CCDC137: variants seen among roughly 807,000 people sequenced by gnomAD.
CCDC137 encodes coiled-coil domain containing 137, also known as coiled-coil domain-containing protein 137.
In CCDC137, 24 loss-of-function variants were observed where a neutral mutation model predicts 30.4. The observed-to-expected ratio is 0.79, with a 90% CI of 0.57 to 1.11. The LOEUF is 1.11. Ranked by LOEUF, CCDC137 falls within the 50% of genes least tolerant of loss-of-function variation. The pLI, the probability that CCDC137 is intolerant of heterozygous loss-of-function variation, is 0.00. For synonymous variants in CCDC137, 182 were observed against 155.7 expected, an observed-to-expected ratio of 1.17 and a Z score of -1.26; for missense variants, 417 against 380.4, an observed-to-expected ratio of 1.10 and a Z score of -0.80.
chr17:81,667,692 C>T (rs1466211051), intron 1 of CCDC137, 37 bp from the exon 2 acceptor site: 6 of 1,609,556 alleles, frequency 3.7e-6, no homozygotes, highest in Non-Finnish European at 8.5e-7. Context: ...TTGTGCTTTA[C>T]TTGGGACGGG....
chr17:81,667,655 A>G (rs918761565), intron 1 of CCDC137, 74 bp from the exon 2 acceptor site: 2 of 1,571,382 alleles, frequency 1.3e-6, no homozygotes, highest in African/African-American at 2.7e-5. Context: ...TGCCAGACCC[A>G]ACTATTGTTT....
rs1685012737 is a variant in CCDC137, at chr17:81,671,486, C to T, written c.498-258C>T. Reference sequence around the variant, plus strand: ...TTGCCCACGTGTCTGCACACATTGTCAGATGTTCCCTGGCAGGTAGCTGTC... The same window carrying T: ...TTGCCCACGTGTCTGCACACATTGTTAGATGTTCCCTGGCAGGTAGCTGTC... On this transcript the variant is annotated intron_variant, in intron 3 of 5. Coordinates refer to ENST00000329214, the MANE Select transcript of CCDC137 (RefSeq NM_199287.3). 9.8e-6 allele frequency: 5 copies of T among 510,562 alleles called. No individual in the cohort carries two copies. In the South Asian group the frequency reaches 1.1e-4, roughly 11 times the overall value. The allele number at this position is 510,562 out of a possible 1,614,324, so 31.6% of individuals were successfully genotyped here. A position where few individuals can be genotyped will look rare whatever the true frequency, so the allele number is the denominator to read the frequency against.
chr17:81,667,990 G>A (rs2036667260), intron 2 of CCDC137, 128 bp downstream of exon 2: 1 of 1,201,532 alleles, frequency 8.3e-7, no homozygotes, highest in Non-Finnish European at 1.1e-6. Flanking sequence ...AGGTGGGGGA[G>A]CGTGGCCAAA....
chr17:81,671,871 G>C (rs879088050), intron 4 of CCDC137, 45 bp downstream of exon 4: 1 of 1,604,798 alleles, frequency 6.2e-7, no homozygotes, highest in East Asian at 2.2e-5. Flanking sequence ...TCCGGGTGGG[G>C]CCTGGGCGCA....
intron 2 of CCDC137, among the ~76,000 whole-genome samples, chr17:81,669,530 C>T (rs1286886808): frequency 2.0e-5 from 3 of 152,174 alleles, no homozygotes; most frequent in Admixed American, 1.3e-4. Context: ...CGGGGTCCTG[C>T]GCTTGCGTTC....
chr17:81,667,174 C>T (rs1261945169), intron 1 of CCDC137, among the ~76,000 whole-genome samples: 1 of 152,170 alleles, frequency 6.6e-6, no homozygotes, highest in Non-Finnish European at 1.5e-5. Flanking sequence ...CCTGGGCTTT[C>T]GGAGTGCCTT....
At position 81,670,240 on chromosome 17, in the gene CCDC137, G is replaced by C. The variant is rs1390860502; in HGVS notation, c.284G>C (p.Arg95Thr). The C allele has an allele frequency of 1.2e-6, 2 of 1,613,810 alleles. No individual in the cohort carries two copies. Among genetic ancestry groups the C allele is most frequent in the African/African-American group, 2.7e-5 (2 of 74,924 alleles). The part of the protein sequence containing the change: ...KRKKAAQVTF[R>T]KTLEKEAKGE... ...TTGTCCTCAGCCCAGGTGACCTTCA[G>C]AAAGACATTGGAGAAGGAAGCAAAG... The change falls in exon 3 of 6, where the codon AGA becomes ACA. Residue 95 changes from arginine to threonine, a missense_variant. Physicochemically the swap from Arg to Thr is moderately conservative, Grantham distance 71 (BLOSUM62 -1). Transcript: ENST00000329214.
chr17:81,670,973 A>C (rs2036713706), intron 3 of CCDC137, among the ~76,000 whole-genome samples: 1 of 149,416 alleles, frequency 6.7e-6, no homozygotes, highest in Admixed American at 6.7e-5. Context: ...ATAAAATACA[A>C]AAAAAAAAAT....
intron 1 of CCDC137, 34 bp downstream of exon 1, chr17:81,666,934 C>A: frequency 3.2e-6 from 4 of 1,247,476 alleles, no homozygotes; most frequent in Non-Finnish European, 4.0e-6. Context: ...CGCCACACTT[C>A]CCCAGAGAAG....
chr17:81,672,233 G>A (rs554602354), intron 5 of CCDC137, 78 bp downstream of exon 5: 37 of 1,434,076 alleles, frequency 2.6e-5, no homozygotes, highest in Admixed American at 2.4e-4. Context: ...GGCTGGACAC[G>A]GTGGGTCACA....
rs2036700516 is a variant in CCDC137 at position 81,670,230 on chromosome 17, G to T, written c.274G>T (p.Val92Leu). The change falls in exon 3 of 6, where the codon GTG becomes TTG. Residue 92 changes from valine (V) to leucine (L), a missense_variant. Val to Leu is a conservative substitution (Grantham distance 32). Transcript: ENST00000329214. ...AGGCCTCCCTTTGTCCTCAGCCCAG[G>T]TGACCTTCAGAAAGACATTGGAGAA... is the stretch of plus-strand genomic sequence containing the variant. ...SNKKRKKAAQ[V>L]TFRKTLEKEA... 1 of 1,613,706 alleles carries T rather than the reference G, an allele frequency of 6.2e-7. No individual in the cohort carries two copies.
At chr17:81,666,980 G>A in intron 1 of CCDC137, 80 bp downstream of exon 1, 1 of 1,230,080 alleles carries the variant, frequency 8.1e-7, no homozygotes, top group Non-Finnish European at 1.0e-6. Context: ...GACCCCCTAG[G>A]GAGCGTTCGC....
In CCDC137 at chr17:81,672,497, T is replaced by C; in HGVS notation, c.663T>C (p.Pro221=). 6.4e-7 allele frequency: 1 copy of C among 1,556,048 alleles called. No homozygotes were observed. The change falls in exon 6 of 6, where the codon CCT becomes CCC. Residue 221 remains proline, a splice_region_variant and synonymous_variant. Transcript: ENST00000329214. ...TCACCCTCCCCTCTCTCCCTCAGCC[T>C]GGCAGGAGATCGCAGATGCTGCGGA... ...RPQRSVSKDQ[P]GRRSQMLRML...
At position 81,670,420 on chromosome 17, in the gene CCDC137, A is replaced by G. The variant is rs750781558; in HGVS notation, c.464A>G (p.Lys155Arg). ...CAGCCAGAGGTGCAGGCAGCTCCCAAGGAGAAGTCTGAGCAGAAAAAAGCA... is the reference window on the plus strand; with the variant it reads ...CAGCCAGAGGTGCAGGCAGCTCCCAGGGAGAAGTCTGAGCAGAAAAAAGCA... ...IRQPEVQAAP[K>R]EKSEQKKAKK... Residue 155 changes from lysine (K) to arginine (R), a missense_variant, in exon 3 of 6, where the codon AAG becomes AGG. Coordinates refer to ENST00000329214, the MANE Select transcript of CCDC137 (RefSeq NM_199287.3). The G allele has an allele frequency of 1.2e-6, 2 of 1,613,726 alleles. No homozygotes were observed. Among genetic ancestry groups the G allele is most frequent in the Non-Finnish European group, 8.5e-7 (1 of 1,179,998 alleles).
intron 4 of CCDC137, 66 bp downstream of exon 4, chr17:81,671,892 TCCCCACCAGC>T (rs2036723097): frequency 3.8e-6 from 6 of 1,573,686 alleles, no homozygotes; most frequent in Middle Eastern, 1.7e-4. Flanking sequence ...GGCCTTCTGT[TCCCCACCAGC>T]CCTGGCTGCA....
At chr17:81,672,254 C>T in intron 5 of CCDC137, 99 bp downstream of exon 5, 1 of 1,282,258 alleles carries the variant, frequency 7.8e-7, no homozygotes. Context: ...CCTGTAATCC[C>T]AGCACATTGG....
At chr17:81,670,498 G>T (rs1363886411) in intron 3 of CCDC137, 45 bp downstream of exon 3, 5 of 1,543,004 alleles carry the variant, frequency 3.2e-6, no homozygotes, top group Non-Finnish European at 4.4e-6. Context: ...GGGAGCCGGA[G>T]GGAAGACATT....
Position 81,667,650 on chromosome 17 carries a change from G to C in CCDC137, c.135-79G>C, listed in dbSNP as rs1317928904. Reference sequence around the variant, plus strand: ...CCAGCCCGTGTAGATTCTATTGCCAGACCCAACTATTGTTTCTCTTACTGA... The same window carrying C: ...CCAGCCCGTGTAGATTCTATTGCCACACCCAACTATTGTTTCTCTTACTGA... On this transcript the variant is annotated intron_variant, in intron 1 of 5. Coordinates refer to ENST00000329214, the MANE Select transcript of CCDC137 (RefSeq NM_199287.3). 3 of 1,555,790 alleles carry C rather than the reference G, an allele frequency of 1.9e-6. No individual in the cohort carries two copies. The African/African-American group carries it at 4.1e-5, about 21-fold the overall frequency.
chr17:81,668,195 C>CA (rs1321338159), intron 2 of CCDC137, among the ~76,000 whole-genome samples: 27 of 151,864 alleles, frequency 1.8e-4, no homozygotes, highest in Admixed American at 1.8e-3. Flanking sequence ...TTACTCTAAG[C>CA]AAAAAAAGGG....
Sources: gnomAD v4.1 joint callset for allele counts (sites outside exome capture counted in the v4.1 genomes callset) on GRCh38, gnomAD v4.1.1 for gene constraint, MANE v1.5 for transcripts, NCBI Gene and HGNC (gene_info 2026-07-23, HGNC 2026-07-21) for gene names.